Variants in FHAD1 observed in about 807,000 individuals in gnomAD.
The protein encoded by FHAD1 is forkhead-associated domain-containing protein 1.
In FHAD1, 146 loss-of-function variants were observed where a neutral mutation model predicts 191.3. The ratio of observed to expected loss-of-function variants is 0.76; its 90% CI spans 0.67 to 0.88. The LOEUF (loss-of-function observed/expected upper bound fraction) is 0.88. FHAD1 is among the 40% of genes least tolerant of loss of function. The pLI, the probability that FHAD1 is intolerant of heterozygous loss-of-function variation, is 0.00. For missense variants in FHAD1, 1,635 were observed against 1,785.8 expected (o/e 0.92, Z 1.52); for synonymous variants, 616 against 672.3 (o/e 0.92, Z 1.29).
At chr1:15,342,532 A>T (rs1687165912) in intron 16 of FHAD1, among the ~76,000 whole-genome samples, 1 of 152,220 alleles carries the variant, frequency 6.6e-6, no homozygotes, top group Non-Finnish European at 1.5e-5. Context: ...CCTGATAAGA[A>T]CCATCCAGAT....
intron 4 of FHAD1, among the ~76,000 whole-genome samples, chr1:15,295,634 C>CATAT (rs34586844): frequency 0.023 from 3,401 of 150,486 alleles, 125 homozygotes; most frequent in African/African-American, 0.077. Context: ...TCTCTCTAAA[C>CATAT]ATATATATAT....
rs76699201 is a variant in FHAD1 at position 15,254,638 on chromosome 1, G to C, written c.93+2761G>C. Among the ~76,000 whole-genome samples, 957 of 152,184 alleles carry C rather than the reference G, an allele frequency of 6.3e-3. 47 individuals carry two copies. In the East Asian group the frequency reaches 0.1, roughly 16 times the overall value. ...AATAATTGACTGCTTACTGCTGCTT[G>C]GCCTTAGTTTAAAAAGTAAGTCACC... On this transcript the variant is annotated intron_variant, in intron 2 of 33. Transcript: ENST00000688493.
upstream of FHAD1, among the ~76,000 whole-genome samples, chr1:15,244,540 G>A (rs1219775760): frequency 6.6e-6 from 1 of 152,108 alleles, no homozygotes; most frequent in African/African-American, 2.4e-5. The surrounding 1 kb of genome is among the most constrained non-coding windows in gnomAD (Gnocchi z 5.1). Context: ...GTGGTGTTCA[G>A]GCCTGGGCAG....
Position 15,317,738 on chromosome 1 carries a change from G to A in FHAD1, c.1261-86G>A, listed in dbSNP as rs1674942495. ...TTCCACCTTAATGGATGGGATGCCAGGGGATGATGAGGGCTCAGACCTCTC... is the reference window on the plus strand; with the variant it reads ...TTCCACCTTAATGGATGGGATGCCAAGGGATGATGAGGGCTCAGACCTCTC... On this transcript the variant is annotated intron_variant, in intron 9 of 33. Coordinates refer to ENST00000688493, the MANE Select transcript of FHAD1 (RefSeq NM_001391957.1). The A allele has an allele frequency of 3.7e-6, 3 of 805,108 alleles. No individual in the cohort carries two copies. In the South Asian group the frequency reaches 5.0e-5, roughly 13 times the overall value. 49.9% of individuals were successfully genotyped at this position (805,108 alleles called of 1,614,324 possible).
intron 26 of FHAD1, among the ~76,000 whole-genome samples, chr1:15,373,546 T>C (rs1025876813): frequency 2.0e-5 from 3 of 150,736 alleles, no homozygotes; most frequent in Admixed American, 1.3e-4. Context: ...TTTCTTTGTC[T>C]GTGCTCTTAG....
chr1:15,368,946 A>G (rs1697329159), intron 25 of FHAD1, among the ~76,000 whole-genome samples: 1 of 152,096 alleles, frequency 6.6e-6, no homozygotes, highest in South Asian at 2.1e-4. Context: ...TCCATCTAAA[A>G]AAAAAAATAG....
rs1671335405 is a variant in FHAD1 at position 15,308,743 on chromosome 1, C to T, written c.1039+7C>T. 2 of 1,551,480 alleles carry T rather than the reference C, an allele frequency of 1.3e-6. No individual in the cohort carries two copies. Among genetic ancestry groups the T allele is most frequent in the African/African-American group, 1.4e-5 (1 of 73,054 alleles). On this transcript the variant is annotated splice_region_variant and intron_variant, in intron 7 of 33. Transcript: ENST00000688493. ...GACAACGCTATCACATCAGGTGAGC[C>T]CTTGGAGTCGGGCCTGGGAGCTGCC...
At chr1:15,359,707 A>T (rs1694047940) in intron 21 of FHAD1, among the ~76,000 whole-genome samples, 1 of 152,036 alleles carries the variant, frequency 6.6e-6, no homozygotes, top group Non-Finnish European at 1.5e-5. Context: ...ACAAAAATTA[A>T]TGGGAGGCCG....
chr1:15,281,760 CAAAAAAAAA>C (rs35950054), intron 3 of FHAD1, among the ~76,000 whole-genome samples: 3 of 64,434 alleles, frequency 4.7e-5, no homozygotes, highest in South Asian at 6.0e-4. Flanking sequence ...GACACTGTCT[CAAAAAAAAA>C]AAAAAAAAAA....
rs1442350354 is a variant in FHAD1, at chr1:15,369,517, C to A, written c.3447+15C>A. The A allele has an allele frequency of 6.4e-7, 1 of 1,551,470 alleles. No homozygotes were observed. The highest frequency in any genetic ancestry group is 8.7e-7 in the Non-Finnish European group (1 of 1,146,924). The stretch of plus-strand genomic sequence containing the variant: ...GCAGCCAAGAGGTGAGTGCCACCCA[C>A]TCCTGGGTACTGGAAGGATGTGCAA... On this transcript the variant is annotated intron_variant, in intron 26 of 33. Transcript: ENST00000688493.
chr1:15,402,712 C>G (rs1707153852), downstream of FHAD1, among the ~76,000 whole-genome samples: 1 of 152,180 alleles, frequency 6.6e-6, no homozygotes, highest in Admixed American at 6.5e-5. Context: ...TGAGCCCAGA[C>G]TAGGTAAGTA....
chr1:15,356,417 G>A (rs1214690143), intron 20 of FHAD1, among the ~76,000 whole-genome samples: 1 of 152,176 alleles, frequency 6.6e-6, no homozygotes, highest in East Asian at 1.9e-4. Flanking sequence ...ATTCCAGGAT[G>A]AGGGGTGATC....
At position 15,397,613 on chromosome 1, in the gene FHAD1, A is replaced by G. The variant is rs971892411; in HGVS notation, c.*200A>G. ...GAAGGGTTCTTCTTTAAAAATACCT[A>G]TGAATGTACACGAACTCAGGTATAT... is the stretch of plus-strand genomic sequence containing the variant. On this transcript the variant is annotated 3_prime_UTR_variant, in exon 34 of 34. Transcript: ENST00000688493. 2.1e-5 allele frequency: 8 copies of G among 376,464 alleles called. No individual in the cohort carries two copies. The highest frequency in any genetic ancestry group is 8.5e-5 in the Admixed American group (2 of 23,518). 23.3% of individuals were successfully genotyped at this position (376,464 alleles called of 1,614,324 possible).
intron 26 of FHAD1, among the ~76,000 whole-genome samples, chr1:15,372,522 G>A (rs551492832): frequency 2.0e-5 from 3 of 151,434 alleles, no homozygotes; most frequent in Admixed American, 6.7e-5. Flanking sequence ...TGCACCCACA[G>A]CAGCAAGGGC....
chr1:15,353,822 A>G (rs1042861627), intron 20 of FHAD1, among the ~76,000 whole-genome samples: 2 of 152,030 alleles, frequency 1.3e-5, no homozygotes, highest in African/African-American at 4.8e-5. Context: ...TGTCATCATA[A>G]TTGTCATCAC....
At chr1:15,275,784 G>T (rs1361969494) in intron 3 of FHAD1, among the ~76,000 whole-genome samples, 2 of 152,118 alleles carry the variant, frequency 1.3e-5, no homozygotes, top group Non-Finnish European at 2.9e-5. Flanking sequence ...GCATGCTCTT[G>T]TCTCTTATTG....
At chr1:15,260,117 G>A (rs1328991137) in intron 2 of FHAD1, among the ~76,000 whole-genome samples, 2 of 152,206 alleles carry the variant, frequency 1.3e-5, no homozygotes, top group Admixed American at 6.5e-5. Context: ...ACTGACAAAC[G>A]TAGGCAGAAT....
intron 2 of FHAD1, among the ~76,000 whole-genome samples, chr1:15,260,553 T>C (rs1241528282): frequency 6.6e-6 from 1 of 152,092 alleles, no homozygotes; most frequent in Non-Finnish European, 1.5e-5. Flanking sequence ...CTAGCCCCAC[T>C]CTGTTGGAAG....
At chr1:15,384,894 G>A (rs2103031122) in intron 31 of FHAD1, among the ~76,000 whole-genome samples, 1 of 152,290 alleles carries the variant, frequency 6.6e-6, no homozygotes, top group East Asian at 1.9e-4. Flanking sequence ...GGAAACTGAG[G>A]AGGTCGGAGG....
Sources: gnomAD v4.1 joint callset for allele counts (sites outside exome capture counted in the v4.1 genomes callset) on GRCh38, gnomAD v4.1.1 for gene constraint, Gnocchi (gnomAD v3.1) non-coding constraint, MANE v1.5 for transcripts, NCBI Gene and HGNC (gene_info 2026-07-23, HGNC 2026-07-21) for gene names.